Variants in CACNA2D3 observed in about 807,000 individuals in gnomAD.
CACNA2D3 encodes the protein voltage-dependent calcium channel subunit alpha-2/delta-3.
Under a neutral mutation model 160.6 loss-of-function variants are expected in CACNA2D3, and 60 were observed. The ratio of observed to expected loss-of-function variants is 0.37; its 90% CI spans 0.30 to 0.46. CACNA2D3 has a LOEUF of 0.46. Among genes scored for constraint, CACNA2D3 ranks in the 20% least tolerant of loss-of-function variants. The pLI is 1.00. For synonymous variants in CACNA2D3, 558 were observed against 492.9 expected (o/e 1.13, Z -1.75); for missense variants, 1,205 against 1,365.0 (o/e 0.88, Z 1.85).
chr3:54,842,062 C>T (rs143420784), intron 16 of CACNA2D3, among the ~76,000 whole-genome samples: 2 of 152,332 alleles, frequency 1.3e-5, no homozygotes, highest in Non-Finnish European at 2.9e-5. Flanking sequence ...TGGCCAAAAA[C>T]TAATGTTGGA....
chr3:54,529,128 G>A (rs1480679945), intron 5 of CACNA2D3, among the ~76,000 whole-genome samples: 1 of 152,224 alleles, frequency 6.6e-6, no homozygotes, highest in African/African-American at 2.4e-5. Context: ...GCACAGGGGT[G>A]CCACCATGAT....
intron 4 of CACNA2D3, among the ~76,000 whole-genome samples, chr3:54,391,415 G>T (rs1197419848): frequency 6.6e-6 from 1 of 152,170 alleles, no homozygotes; most frequent in East Asian, 1.9e-4. Context: ...GCTCCTGAAG[G>T]ATAGCATGTG....
chr3:54,593,641 G>A (rs2106759873), intron 9 of CACNA2D3, among the ~76,000 whole-genome samples: 1 of 152,294 alleles, frequency 6.6e-6, no homozygotes, highest in Non-Finnish European at 1.5e-5. Flanking sequence ...TTGTGGGTCT[G>A]TAAGTGCCAG....
intron 4 of CACNA2D3, among the ~76,000 whole-genome samples, chr3:54,502,716 TTC>T (rs1701313636): frequency 6.6e-6 from 1 of 152,356 alleles, no homozygotes; most frequent in East Asian, 1.9e-4. Context: ...GATGCATACA[TTC>T]TCTATTCCTA....
chr3:54,543,181 A>G (rs1454882858), intron 5 of CACNA2D3, among the ~76,000 whole-genome samples: 5 of 152,222 alleles, frequency 3.3e-5, no homozygotes, highest in African/African-American at 4.8e-5. Context: ...ATGGAATGCT[A>G]TACTGCTGTT....
At chr3:54,791,529 G>A (rs770277371) in intron 13 of CACNA2D3, among the ~76,000 whole-genome samples, 12 of 152,088 alleles carry the variant, frequency 7.9e-5, no homozygotes, top group African/African-American at 1.4e-4. Flanking sequence ...TAACCAAACC[G>A]TGCATTTAAA....
intron 16 of CACNA2D3, among the ~76,000 whole-genome samples, chr3:54,840,651 C>T (rs940104947): frequency 6.6e-6 from 1 of 151,336 alleles, no homozygotes; most frequent in Admixed American, 6.6e-5. Context: ...CTTGGTGATC[C>T]ACCCGCCTCA....
At chr3:54,235,964 A>C (rs542984594) in intron 2 of CACNA2D3, among the ~76,000 whole-genome samples, 27 of 152,188 alleles carry the variant, frequency 1.8e-4, no homozygotes, top group Non-Finnish European at 2.4e-4. Context: ...ATCAGAGTTA[A>C]CATTTATAGT....
intron 2 of CACNA2D3, among the ~76,000 whole-genome samples, chr3:54,304,319 A>T (rs902820765): frequency 2.0e-5 from 3 of 152,030 alleles, no homozygotes; most frequent in Admixed American, 2.0e-4. Context: ...CATGGGTCTC[A>T]GTGTGTTTGT....
chr3:54,828,154 C>T (rs1036904777), intron 14 of CACNA2D3, among the ~76,000 whole-genome samples: 2 of 152,178 alleles, frequency 1.3e-5, no homozygotes, highest in African/African-American at 4.8e-5. Flanking sequence ...GGTTTTGTCC[C>T]AGGGCCCCAA....
rs1703468796 is a variant in CACNA2D3, at chr3:54,816,821, C to CT, written c.1381-26dup. 1.9e-6 allele frequency: 3 copies of CT among 1,608,774 alleles called. No individual in the cohort carries two copies. In the East Asian group the frequency reaches 6.7e-5, roughly 36 times the overall value. On this transcript the variant is annotated intron_variant, in intron 13 of 37. Coordinates refer to ENST00000474759, the MANE Select transcript of CACNA2D3 (RefSeq NM_018398.3). ...TACTTATATAATGATCAACTTTTTT[C>CT]TTTTTTGTTTTGTTTTGTTTTCCCC...
chr3:54,764,148 C>T, intron 12 of CACNA2D3, 70 bp from the exon 13 acceptor site: 1 of 1,531,266 alleles, frequency 6.5e-7, no homozygotes, highest in Middle Eastern at 1.7e-4. Flanking sequence ...GAAGGCATGG[C>T]ATATGCATAT....
chr3:54,817,950 T>C (rs558045750), intron 14 of CACNA2D3, among the ~76,000 whole-genome samples: 49 of 152,340 alleles, frequency 3.2e-4, no homozygotes, highest in Admixed American at 6.5e-4. Context: ...GCTTCCAGGG[T>C]AAATAAATGG....
chr3:54,223,024 A>G (rs1344327693), intron 2 of CACNA2D3, among the ~76,000 whole-genome samples: 1 of 152,198 alleles, frequency 6.6e-6, no homozygotes, highest in Non-Finnish European at 1.5e-5. Context: ...TTAATCAAGC[A>G]TGACTTTATT....
chr3:54,394,184 G>A (rs1001097727), intron 4 of CACNA2D3, among the ~76,000 whole-genome samples: 1 of 152,058 alleles, frequency 6.6e-6, no homozygotes. Context: ...CCAGTTCTGT[G>A]TCCTGTCCCC....
intron 17 of CACNA2D3, among the ~76,000 whole-genome samples, chr3:54,852,429 C>G (rs1455369210): frequency 1.3e-5 from 2 of 152,238 alleles, no homozygotes; most frequent in African/African-American, 4.8e-5. Flanking sequence ...TTCTGTTGTT[C>G]TGGAAAACTC....
chr3:54,259,375 C>T (rs1290373879), intron 2 of CACNA2D3, among the ~76,000 whole-genome samples: 1 of 152,116 alleles, frequency 6.6e-6, no homozygotes, highest in Non-Finnish European at 1.5e-5. Flanking sequence ...CAGCTCTGAT[C>T]CACAATTGTG....
chr3:54,220,157 T>C (rs1037544888), intron 2 of CACNA2D3, among the ~76,000 whole-genome samples: 5 of 152,206 alleles, frequency 3.3e-5, no homozygotes, highest in African/African-American at 4.8e-5. Context: ...AATTGGTTAA[T>C]TGTTTCTTGG....
At chr3:54,810,955 C>T (rs887748088) in intron 13 of CACNA2D3, among the ~76,000 whole-genome samples, 1 of 152,188 alleles carries the variant, frequency 6.6e-6, no homozygotes, top group Non-Finnish European at 1.5e-5. Flanking sequence ...TTGTGCCTCA[C>T]CTATTGTTCC....
Sources: allele counts gnomAD v4.1 joint callset (sites outside exome capture counted in the v4.1 genomes callset), GRCh38; gene constraint gnomAD v4.1.1; transcripts MANE v1.5; gene names NCBI Gene and HGNC (gene_info 2026-07-23, HGNC 2026-07-21).